Variants in FAM124A observed in about 807,000 individuals in gnomAD.
The protein encoded by FAM124A is family with sequence similarity 124 member A, also known as protein FAM124A.
Under a neutral mutation model 24.5 loss-of-function variants are expected in FAM124A, and 23 were observed. That is an observed-to-expected ratio of 0.94 (90% CI 0.68 to 1.33). The LOEUF is 1.33. FAM124A is among the 40% of genes most tolerant of loss of function. The probability of loss-of-function intolerance (pLI) is 0.00; values close to 1 mark genes in which losing one functional copy is unlikely to be tolerated. For missense variants in FAM124A, 623 were observed against 722.8 expected, an observed-to-expected ratio of 0.86 and a Z score of 1.58; for synonymous variants, 287 against 314.7, an observed-to-expected ratio of 0.91 and a Z score of 0.93.
At chr13:51,271,584 G>T (rs1954840656) in intron 3 of FAM124A, among the ~76,000 whole-genome samples, 1 of 152,072 alleles carries the variant, frequency 6.6e-6, no homozygotes, top group Non-Finnish European at 1.5e-5. Flanking sequence ...CGGAGATTCT[G>T]TTTCAGTTGC....
At chr13:51,230,094 T>C (rs1954359283) in intron 1 of FAM124A, among the ~76,000 whole-genome samples, 1 of 151,902 alleles carries the variant, frequency 6.6e-6, no homozygotes, top group African/African-American at 2.4e-5. Flanking sequence ...TATATATGAA[T>C]GCAGTTTGTA....
chr13:51,268,043 G>A (rs1263025202), intron 3 of FAM124A, among the ~76,000 whole-genome samples: 2 of 152,234 alleles, frequency 1.3e-5, no homozygotes, highest in African/African-American at 2.4e-5. Flanking sequence ...TGAGTGAGAG[G>A]AAGGGTGCTG....
intron 3 of FAM124A, among the ~76,000 whole-genome samples, chr13:51,279,570 C>G (rs150200940): frequency 2.0e-4 from 30 of 152,176 alleles, no homozygotes; most frequent in African/African-American, 7.2e-4. Context: ...GAGAGAGAAT[C>G]TGAGAGAAGC....
In FAM124A at chr13:51,280,791, AT is replaced by A. The variant is rs754782799; in HGVS notation, c.1177del (p.Ser393GlnfsTer14). ...ACACAGGTGCCCCAGGGCACAGGGC[AT>A]CAGAGTGGAGGCATGGCCACCTCCT... ...SNTGAPGHRASEWRHGHLLSI... is the reference protein window; with the variant it reads ...SNTGAPGHRAXEWRHGHLLSI... On this transcript the variant is annotated frameshift_variant, in exon 4 of 4. Transcript: ENST00000322475. LOFTEE classifies it low-confidence loss of function (END_TRUNC). 10 of 1,614,082 alleles carry A rather than the reference AT, an allele frequency of 6.2e-6. No individual in the cohort carries two copies. The East Asian group carries it at 2.2e-4, about 36-fold the overall frequency.
At chr13:51,231,747 C>T (rs1954379457) in intron 2 of FAM124A, among the ~76,000 whole-genome samples, 1 of 152,238 alleles carries the variant, frequency 6.6e-6, no homozygotes, top group Admixed American at 6.5e-5. Flanking sequence ...GTTGCTCCAG[C>T]TCATCTCTTG....
intron 2 of FAM124A, among the ~76,000 whole-genome samples, chr13:51,244,491 A>G (rs1954534765): frequency 6.6e-6 from 1 of 152,226 alleles, no homozygotes; most frequent in African/African-American, 2.4e-5. Context: ...CAATCATATT[A>G]ATCGTTGCCC....
In FAM124A at chr13:51,281,387, A is replaced by C. The variant is rs951258844; in HGVS notation, c.*131A>C. ...CCAGGAGCCCGTAGCACATTTGCCT[A>C]CCACCCACTCTTAGCTGGGGGGTGG... On this transcript the variant is annotated 3_prime_UTR_variant, in exon 4 of 4. Coordinates refer to ENST00000322475, the MANE Select transcript of FAM124A (RefSeq NM_001242312.2). 3 of 875,102 alleles carry C rather than the reference A, an allele frequency of 3.4e-6. No homozygotes were observed. Among genetic ancestry groups the C allele is most frequent in the Non-Finnish European group, 5.0e-6 (3 of 601,604 alleles). The allele number at this position is 875,102 out of a possible 1,614,324, so 54.2% of individuals were successfully genotyped here. A position where few individuals can be genotyped will look rare whatever the true frequency, so the allele number is the denominator to read the frequency against.
chr13:51,275,922 C>T (rs1566175630), intron 3 of FAM124A, among the ~76,000 whole-genome samples: 1 of 152,142 alleles, frequency 6.6e-6, no homozygotes, highest in Admixed American at 6.5e-5. Flanking sequence ...GGGAAGTGGC[C>T]AAATGAGGCT....
intron 2 of FAM124A, among the ~76,000 whole-genome samples, chr13:51,244,125 C>T (rs943958148): frequency 5.3e-5 from 8 of 152,186 alleles, no homozygotes; most frequent in Admixed American, 2.0e-4. Flanking sequence ...TTGGCCTCGT[C>T]GGGGATTACT....
At position 51,272,185 on chromosome 13, in the gene FAM124A, A is replaced by T. The variant is rs1954845644; in HGVS notation, c.835-8265A>T. On this transcript the variant is annotated intron_variant, in intron 3 of 3. Coordinates refer to ENST00000322475, the MANE Select transcript of FAM124A (RefSeq NM_001242312.2). The surrounding 1 kb of genome is among the most constrained non-coding windows in gnomAD (Gnocchi z 4.2). ...GGGTGGCCCAGTTCAGCAAAACCAG[A>T]ATATCCTTTTCCCCCTATCTTCTTA... Among the ~76,000 whole-genome samples, 1 of 152,126 alleles carries T rather than the reference A, an allele frequency of 6.6e-6. No homozygotes were observed. The highest frequency in any genetic ancestry group is 6.5e-5 in the Admixed American group (1 of 15,274).
chr13:51,239,071 T>C (rs1177135073), intron 2 of FAM124A, among the ~76,000 whole-genome samples: 10 of 152,140 alleles, frequency 6.6e-5, no homozygotes, highest in Admixed American at 6.5e-4. Context: ...TTCTCCCCCC[T>C]TGAAAAGCTG....
At chr13:51,238,384 G>A (rs952235629) in intron 2 of FAM124A, among the ~76,000 whole-genome samples, 13 of 152,262 alleles carry the variant, frequency 8.5e-5, no homozygotes, top group African/African-American at 2.9e-4. Flanking sequence ...CCATCTCTTC[G>A]TTATGCAAGC....
chr13:51,235,456 C>G (rs1187017619), intron 2 of FAM124A, among the ~76,000 whole-genome samples: 1 of 152,098 alleles, frequency 6.6e-6, no homozygotes, highest in Non-Finnish European at 1.5e-5. Flanking sequence ...TATTTCCATT[C>G]AAATTAAGAT....
rs748152072 is a variant in FAM124A at position 51,280,444 on chromosome 13, C to G, written c.835-6C>G. 45 of 1,581,480 alleles carry G rather than the reference C, an allele frequency of 2.8e-5. No homozygotes were observed. The highest frequency in any genetic ancestry group is 1.1e-4 in the Admixed American group (6 of 56,320). On this transcript the variant is annotated splice_polypyrimidine_tract_variant and splice_region_variant and intron_variant, in intron 3 of 3. Coordinates refer to ENST00000322475, the MANE Select transcript of FAM124A (RefSeq NM_001242312.2). ...GCACTAATGTGATCTGCCTCTCCCC[C>G]CACAGGCACAAAGGGTGCATAAGAA... is the stretch of plus-strand genomic sequence containing the variant.
chr13:51,231,325 A>T, intron 1 of FAM124A, 23 bp from the exon 2 acceptor site: 1 of 1,613,740 alleles, frequency 6.2e-7, no homozygotes, highest in Middle Eastern at 1.6e-4. Flanking sequence ...GAATTCTACT[A>T]ACGCTGAGGT....
chr13:51,281,340 C>A lies in FAM124A; in HGVS notation c.*84C>A. The stretch of plus-strand genomic sequence containing the variant: ...CTGCCCCTCTGGCCACTGAGCACAC[C>A]ACATTCTTCATGATCCATTTCCCAG... On this transcript the variant is annotated 3_prime_UTR_variant, in exon 4 of 4. Coordinates refer to ENST00000322475, the MANE Select transcript of FAM124A (RefSeq NM_001242312.2). 7.6e-7 allele frequency: 1 copy of A among 1,309,942 alleles called. No individual in the cohort carries two copies. The highest frequency in any genetic ancestry group is 1.0e-6 in the Non-Finnish European group (1 of 975,366). The allele number at this position is 1,309,942 out of a possible 1,614,324, so 81.1% of individuals were successfully genotyped here.
intron 2 of FAM124A, among the ~76,000 whole-genome samples, chr13:51,235,090 A>AT (rs34045926): frequency 0.38 from 57,240 of 151,862 alleles, 11,726 homozygotes; most frequent in Non-Finnish European, 0.45. Flanking sequence ...GTCTGGGTGA[A>AT]TTTTTTCCAG....
intron 1 of FAM124A, among the ~76,000 whole-genome samples, chr13:51,226,967 A>C (rs1954321367): frequency 6.6e-6 from 1 of 152,200 alleles, no homozygotes; most frequent in Non-Finnish European, 1.5e-5. Flanking sequence ...TTAAATGAGC[A>C]TATATATTTA....
intron 3 of FAM124A, among the ~76,000 whole-genome samples, chr13:51,259,296 C>CCTTTTACA: frequency 6.6e-6 from 1 of 152,218 alleles, no homozygotes; most frequent in African/African-American, 2.4e-5. Context: ...CAAATCAGAT[C>CCTTTTACA]ATGTGACTCC....
Sources: allele counts gnomAD v4.1 joint callset (sites outside exome capture counted in the v4.1 genomes callset), GRCh38; gene constraint gnomAD v4.1.1; non-coding constraint Gnocchi (gnomAD v3.1); transcripts MANE v1.5; gene names NCBI Gene and HGNC (gene_info 2026-07-23, HGNC 2026-07-21).